Variants in FLT4 observed in about 807,000 individuals in gnomAD.
FLT4 encodes the protein fms related receptor tyrosine kinase 4, also known as vascular endothelial growth factor receptor 3.
In FLT4, 30 loss-of-function variants were observed where a neutral mutation model predicts 163.2. The ratio of observed to expected loss-of-function variants is 0.18; its 90% CI spans 0.14 to 0.25. FLT4 has a LOEUF of 0.25. Ranked by LOEUF, FLT4 falls within the 10% of genes least tolerant of loss-of-function variation. The pLI is 1.00. For missense variants in FLT4, 1,510 were observed against 1,863.8 expected, an observed-to-expected ratio of 0.81 and a Z score of 3.50; for synonymous variants, 884 against 789.5, an observed-to-expected ratio of 1.12 and a Z score of -2.01.
At position 180,626,171 on chromosome 5, in the gene FLT4, C is replaced by T. The variant is rs369939230; in HGVS notation, c.1198G>A (p.Ala400Thr). Reference protein sequence around the residue: ...TEASTGTYTLALWNSAAGLRR... With the variant: ...TEASTGTYTLTLWNSAAGLRR... ...AGGCCAGCAGCGGAGTTCCACAGGG[C>T]GAGGGTGTAGGTGCCTGTGCTGGCC... is the stretch of plus-strand genomic sequence containing the variant. Residue 400 changes from alanine (A) to threonine (T), a missense_variant, in exon 9 of 30, where the codon GCC (alanine) becomes ACC (threonine). Coordinates refer to ENST00000261937, the MANE Select transcript of FLT4 (RefSeq NM_182925.5). 1.1e-5 allele frequency: 17 copies of T among 1,612,738 alleles called. No homozygotes were observed. Among genetic ancestry groups the T allele is most frequent in the Admixed American group, 5.0e-5 (3 of 60,010 alleles).
chr5:180,642,087 G>A (rs992709716), intron 1 of FLT4, among the ~76,000 whole-genome samples: 1 of 151,966 alleles, frequency 6.6e-6, no homozygotes, highest in Non-Finnish European at 1.5e-5. Flanking sequence ...GGCGCCTGCA[G>A]TCCCAGCTAC....
intron 29 of FLT4, among the ~76,000 whole-genome samples, chr5:180,603,890 T>C (rs574907310): frequency 4.2e-4 from 60 of 141,950 alleles, no homozygotes; most frequent in Middle Eastern, 3.6e-3. Flanking sequence ...GGCGACAGAG[T>C]GAGACTCCAT....
At position 180,630,146 on chromosome 5, in the gene FLT4, G is replaced by A. The variant is rs746650624; in HGVS notation, c.514-41C>T. On this transcript the variant is annotated intron_variant, in intron 4 of 29. Coordinates refer to ENST00000261937, the MANE Select transcript of FLT4 (RefSeq NM_182925.5). This position sits in a 1 kb window ranked among gnomAD's most constrained non-coding sequence, Gnocchi z 6.3. Reference sequence around the variant, plus strand: ...CACCATCATTGCCCAGCTGCCCCTTGCTCCTGGCCAGACAGGCGGCCGCCT... The same window carrying A: ...CACCATCATTGCCCAGCTGCCCCTTACTCCTGGCCAGACAGGCGGCCGCCT... The A allele has an allele frequency of 1.2e-6, 2 of 1,609,108 alleles. No homozygotes were observed. The highest frequency in any genetic ancestry group is 1.1e-5 in the South Asian group (1 of 90,992).
At position 180,630,021 on chromosome 5, in the gene FLT4, C is replaced by T. The variant is rs752512978; in HGVS notation, c.598G>A (p.Asp200Asn). 1.2e-5 allele frequency: 20 copies of T among 1,612,818 alleles called. No homozygotes were observed. Among genetic ancestry groups the T allele is most frequent in the Middle Eastern group, 1.7e-4 (1 of 6,060 alleles). The change falls in exon 5 of 30, where the codon GAT (aspartate) becomes AAT (asparagine). Residue 200 changes from aspartate to asparagine, a missense_variant. Transcript: ENST00000261937. The surrounding 1 kb of genome is among the most constrained non-coding windows in gnomAD (Gnocchi z 6.3). ...GTCTCGCACTGCAGGTACAGGGCAT[C>T]GTGCAGCAGTGGCGTGGACACGAGC... ...GMLVSTPLLH[D>N]ALYLQCETTW... is the part of the protein sequence containing the mutation.
intron 1 of FLT4, among the ~76,000 whole-genome samples, chr5:180,633,233 C>G (rs1764315248): frequency 6.6e-6 from 1 of 152,162 alleles, no homozygotes; most frequent in South Asian, 2.1e-4. Context: ...CTTCTTCTAT[C>G]CCTCTCTCCT....
At position 180,621,625 on chromosome 5, in the gene FLT4, T is replaced by C. The variant is rs1383559185; in HGVS notation, c.1937A>G (p.Glu646Gly). The C allele has an allele frequency of 2.5e-6, 4 of 1,606,758 alleles. No individual in the cohort carries two copies. Among genetic ancestry groups the C allele is most frequent in the Non-Finnish European group, 3.4e-6 (4 of 1,175,396 alleles). ...TTCGCACACATAGTGGCCCTCGTGC[T>C]CGGGCGCGACGCGGGGGATACTCAG... ...LSLSIPRVAPEHEGHYVCEVQ... is the reference protein window; with the variant it reads ...LSLSIPRVAPGHEGHYVCEVQ... Residue 646 changes from glutamate (E) to glycine (G), a missense_variant, in exon 13 of 30, where the codon GAG becomes GGG. Transcript: ENST00000261937.
intron 8 of FLT4, among the ~76,000 whole-genome samples, chr5:180,628,367 A>G (rs758316193): frequency 5.9e-5 from 9 of 152,148 alleles, no homozygotes; most frequent in Non-Finnish European, 8.8e-5. Flanking sequence ...CAGATCGGGG[A>G]TCTGCGGGGA....
At position 180,620,023 on chromosome 5, in the gene FLT4, AG is replaced by A; in HGVS notation, c.2542+149del. On this transcript the variant is annotated intron_variant, in intron 17 of 29. Coordinates refer to ENST00000261937, the MANE Select transcript of FLT4 (RefSeq NM_182925.5). The surrounding 1 kb of genome is among the most constrained non-coding windows in gnomAD (Gnocchi z 4.4). ...GCCTGGGAACTGGGGACCCTGGCTG[AG>A]GTTCTAGGTACCCACGCCCACAGGG... The A allele has an allele frequency of 1.0e-6, 1 of 994,340 alleles. No homozygotes were observed. The highest frequency in any genetic ancestry group is 1.6e-5 in the African/African-American group (1 of 62,206). 61.6% of individuals were successfully genotyped at this position (994,340 alleles called of 1,614,324 possible). A position where few individuals can be genotyped will look rare whatever the true frequency, so the allele number is the denominator to read the frequency against.
At chr5:180,641,158 C>T (rs893093316) in intron 1 of FLT4, among the ~76,000 whole-genome samples, 7 of 152,230 alleles carry the variant, frequency 4.6e-5, no homozygotes, top group African/African-American at 1.7e-4. Context: ...CTCCCTCGTC[C>T]TCTGTGCCCG....
chr5:180,607,919 G>A, intron 29 of FLT4: 1 of 598,714 alleles, frequency 1.7e-6, no homozygotes, highest in Non-Finnish European at 3.0e-6. Context: ...CCGCTTGAGG[G>A]CTCTTTGGTC....
chr5:180,644,296 C>T (rs929615712), intron 1 of FLT4, among the ~76,000 whole-genome samples: 5 of 152,126 alleles, frequency 3.3e-5, no homozygotes, highest in African/African-American at 7.2e-5. Flanking sequence ...CACAGGGTAC[C>T]GGGAGGGTGG....
chr5:180,638,961 A>C (rs1205893769), intron 1 of FLT4, among the ~76,000 whole-genome samples: 1 of 140,466 alleles, frequency 7.1e-6, no homozygotes, highest in Non-Finnish European at 1.5e-5. Flanking sequence ...CACAGAGTAA[A>C]GTCTCAGTGA....
At position 180,612,492 on chromosome 5, in the gene FLT4, G is replaced by C. The variant is rs111665784; in HGVS notation, c.3537+14C>G. The C allele has an allele frequency of 6.1e-4, 980 of 1,595,096 alleles. 5 individuals carry two copies. The African/African-American group carries it at 0.012, about 19-fold the overall frequency. ...CCAAAGGCCATAGTAGAACAGGGTG[G>C]GGAAGGGGCTCACTTGCAGGCCCCT... On this transcript the variant is annotated intron_variant, in intron 26 of 29. Transcript: ENST00000261937.
intron 1 of FLT4, among the ~76,000 whole-genome samples, chr5:180,642,079 C>G (rs1333149766): frequency 6.6e-6 from 1 of 151,938 alleles, no homozygotes; most frequent in African/African-American, 2.4e-5. Flanking sequence ...TGGTGGCGGG[C>G]GCCTGCAGTC....
At chr5:180,639,205 G>A (rs1764913158) in intron 1 of FLT4, among the ~76,000 whole-genome samples, 1 of 52,434 alleles carries the variant, frequency 1.9e-5, no homozygotes, top group African/African-American at 4.5e-5. Context: ...ACAGATGAAT[G>A]GATGGATGGA....
At chr5:180,612,410 G>T in intron 26 of FLT4, 96 bp downstream of exon 26, 1 of 878,572 alleles carries the variant, frequency 1.1e-6, no homozygotes, top group Admixed American at 1.7e-5. Context: ...GCTGAGAGGT[G>T]GGCAGAGCCT....
Position 180,616,883 on chromosome 5 carries a change from C to T in FLT4, c.3096+17G>A. ...TGCACCCTTTTCCCGTCTGAAGGGC[C>T]TTCGGGGGAAGCTCACCTTTCGGGA... On this transcript the variant is annotated intron_variant, in intron 22 of 29. Coordinates refer to ENST00000261937, the MANE Select transcript of FLT4 (RefSeq NM_182925.5). 1.2e-6 allele frequency: 2 copies of T among 1,607,074 alleles called. No homozygotes were observed. Among genetic ancestry groups the T allele is most frequent in the African/African-American group, 1.3e-5 (1 of 74,860 alleles).
intron 1 of FLT4, among the ~76,000 whole-genome samples, chr5:180,639,781 C>A (rs568980786): frequency 6.6e-6 from 1 of 152,302 alleles, no homozygotes; most frequent in African/African-American, 2.4e-5. Flanking sequence ...CTGAAGAAGG[C>A]GCATCCTTCC....
chr5:180,640,223 G>A (rs1357621711), intron 1 of FLT4, among the ~76,000 whole-genome samples: 1 of 152,186 alleles, frequency 6.6e-6, no homozygotes, highest in Admixed American at 6.5e-5. Context: ...GCAGCCGGCC[G>A]GCTGCGACTG....
Sources: gnomAD v4.1 joint callset for allele counts (sites outside exome capture counted in the v4.1 genomes callset) on GRCh38, gnomAD v4.1.1 for gene constraint, Gnocchi (gnomAD v3.1) non-coding constraint, MANE v1.5 for transcripts, NCBI Gene and HGNC (gene_info 2026-07-23, HGNC 2026-07-21) for gene names.